The following SLC2A9 variants were observed in gnomAD, a reference collection of about 807,000 sequenced individuals.
SLC2A9 encodes solute carrier family 2 member 9, also known as solute carrier family 2, facilitated glucose transporter member 9.
Under a neutral mutation model 50.6 loss-of-function variants are expected in SLC2A9, and 39 were observed. The observed-to-expected ratio is 0.77, with a 90% CI of 0.60 to 1.01. The LOEUF is 1.01. Among genes scored for constraint, SLC2A9 ranks in the 50% least tolerant of loss-of-function variants. SLC2A9 has a pLI of 0.00. For missense variants in SLC2A9, 686 were observed against 677.6 expected (o/e 1.01, Z -0.14); for synonymous variants, 324 against 276.9 (o/e 1.17, Z -1.69).
rs888540733 is a variant in SLC2A9, at chr4:9,816,833, G to A, written n.420+9587C>T. Among the ~76,000 whole-genome samples the A allele has an allele frequency of 1.2e-4, 14 of 120,438 alleles. No homozygotes were observed. In the East Asian group the frequency reaches 1.6e-3, roughly 14 times the overall value. The allele number at this position is 120,438 out of a possible 152,430, so 79.0% of individuals were successfully genotyped here. On this transcript the variant is annotated intron_variant and non_coding_transcript_variant, in intron 3 of 3. Transcript: ENST00000503280. ...AAAAGTTAAAAATTAAAAAAAAAAC[G>A]ATGACACGCACATACACCCTCTTAG...
intron 3 of SLC2A9, among the ~76,000 whole-genome samples, chr4:9,806,517 G>A (rs1352273812): frequency 6.6e-6 from 1 of 152,204 alleles, no homozygotes; most frequent in Admixed American, 6.5e-5. Flanking sequence ...TGAAACCCCT[G>A]ATTTCCCACT....
chr4:9,805,505 C>T (rs1721997917), intron 3 of SLC2A9, among the ~76,000 whole-genome samples: 1 of 152,020 alleles, frequency 6.6e-6, no homozygotes, highest in Non-Finnish European at 1.5e-5. Flanking sequence ...TTGACACCAC[C>T]CTGGGCAACA....
chr4:9,902,540 G>A (rs1414170922), intron 8 of SLC2A9, among the ~76,000 whole-genome samples: 1 of 152,212 alleles, frequency 6.6e-6, no homozygotes, highest in African/African-American at 2.4e-5. Context: ...ATAGAAACGT[G>A]TTGTCTCACA....
At chr4:9,858,217 G>A (rs545574661) in intron 10 of SLC2A9, among the ~76,000 whole-genome samples, 6 of 152,322 alleles carry the variant, frequency 3.9e-5, no homozygotes, top group African/African-American at 1.4e-4. Flanking sequence ...AAGGTACAGA[G>A]GTTCAAATAT....
At chr4:9,872,198 T>C (rs138416405) in intron 10 of SLC2A9, among the ~76,000 whole-genome samples, 2,026 of 152,272 alleles carry the variant, frequency 0.013, 15 homozygotes, top group Non-Finnish European at 0.021. Context: ...CAGGGACTTG[T>C]CCAACTTACT....
intron 5 of SLC2A9, among the ~76,000 whole-genome samples, chr4:9,969,195 C>A (rs1753506137): frequency 6.6e-6 from 1 of 152,010 alleles, no homozygotes; most frequent in Non-Finnish European, 1.5e-5. Flanking sequence ...CTAAGTGATA[C>A]TAGATCTTCT....
At chr4:9,996,744 G>A in intron 3 of SLC2A9, 37 bp downstream of exon 3, 2 of 1,609,546 alleles carry the variant, frequency 1.2e-6, no homozygotes, top group South Asian at 2.2e-5. Flanking sequence ...TTATGAACAT[G>A]GAGGGCACCC....
Position 9,834,864 on chromosome 4 carries a change from C to T in SLC2A9, c.1419+17G>A, listed in dbSNP as rs372425965. On this transcript the variant is annotated intron_variant, in intron 11 of 11. Transcript: ENST00000264784. The stretch of plus-strand genomic sequence containing the variant: ...CAAAGGGAACCCCATGGGCAAAAGA[C>T]TCCTTGTCAGTCATACCTGAATGAA... 2 of 1,614,140 alleles carry T rather than the reference C, an allele frequency of 1.2e-6. No homozygotes were observed. Among genetic ancestry groups the T allele is most frequent in the Non-Finnish European group, 1.7e-6 (2 of 1,180,022 alleles).
chr4:9,878,436 A>G (rs1734641545), intron 10 of SLC2A9, among the ~76,000 whole-genome samples: 1 of 151,466 alleles, frequency 6.6e-6, no homozygotes, highest in African/African-American at 2.4e-5. Context: ...AATCATGCCT[A>G]TATAATGGAG....
At chr4:9,997,629 G>T (rs771695922) in intron 2 of SLC2A9, among the ~76,000 whole-genome samples, 11 of 152,150 alleles carry the variant, frequency 7.2e-5, no homozygotes, top group Admixed American at 1.3e-4. Context: ...GGACCCAGGA[G>T]ACGGAGGTTG....
At chr4:9,858,511 T>A (rs567789547) in intron 10 of SLC2A9, among the ~76,000 whole-genome samples, 1 of 152,326 alleles carries the variant, frequency 6.6e-6, no homozygotes, top group East Asian at 1.9e-4. Context: ...GTCCATTTTA[T>A]TGATGAGTAG....
At chr4:9,887,797 A>G (rs1736568736) in intron 9 of SLC2A9, among the ~76,000 whole-genome samples, 155 bp from the exon 10 acceptor site, 1 of 152,170 alleles carries the variant, frequency 6.6e-6, no homozygotes, top group African/African-American at 2.4e-5. Context: ...ACATGGGAAC[A>G]ATGATAACCC....
intron 10 of SLC2A9, among the ~76,000 whole-genome samples, chr4:9,875,726 T>C (rs1216473021): frequency 6.6e-6 from 1 of 152,196 alleles, no homozygotes; most frequent in Non-Finnish European, 1.5e-5. Context: ...ACCTCCCCTT[T>C]TCCCCCCAGT....
At chr4:9,816,940 C>A (rs760832965) in intron 3 of SLC2A9, among the ~76,000 whole-genome samples, 1 of 152,130 alleles carries the variant, frequency 6.6e-6, no homozygotes, top group Admixed American at 6.6e-5. Context: ...AGAGACGCAA[C>A]ACCTTGGAAT....
chr4:9,881,740 G>A (rs1180430247), intron 10 of SLC2A9, among the ~76,000 whole-genome samples: 1 of 152,192 alleles, frequency 6.6e-6, no homozygotes, highest in Non-Finnish European at 1.5e-5. Context: ...ATGCAATCAA[G>A]CCATGGCTGA....
intron 7 of SLC2A9, among the ~76,000 whole-genome samples, chr4:9,909,388 A>T (rs1416944722): frequency 6.6e-6 from 1 of 152,196 alleles, no homozygotes; most frequent in Non-Finnish European, 1.5e-5. Context: ...CTCGCAACTT[A>T]TTTCATGTGA....
intron 1 of SLC2A9, 78 bp from the exon 2 acceptor site, chr4:10,019,151 C>T: frequency 1.6e-6 from 2 of 1,213,240 alleles, no homozygotes; most frequent in Non-Finnish European, 2.4e-6. Context: ...AACGTTCCCT[C>T]AGCTGGGGGA....
intron 1 of SLC2A9, among the ~76,000 whole-genome samples, chr4:10,030,579 G>A (rs1447109379): frequency 6.6e-6 from 1 of 152,118 alleles, no homozygotes; most frequent in Non-Finnish European, 1.5e-5. Context: ...GTGTGTGGGT[G>A]TAGGGGGGCA....
rs574585026 is a variant in SLC2A9, at chr4:9,992,426, C to T, written c.410+4355G>A. Among the ~76,000 whole-genome samples the T allele has an allele frequency of 2.0e-5, 3 of 152,330 alleles. No homozygotes were observed. In the East Asian group the frequency reaches 5.8e-4, roughly 29 times the overall value. On this transcript the variant is annotated intron_variant, in intron 3 of 11. Coordinates refer to ENST00000264784, the MANE Select transcript of SLC2A9 (RefSeq NM_020041.3). ...ATATTTAGAGGCATCCCTGGCTTCT[C>T]CTAGATGCTAGTAGCACCCTTGAGT... is the stretch of plus-strand genomic sequence containing the variant.
Sources: gnomAD v4.1 joint callset for allele counts (sites outside exome capture counted in the v4.1 genomes callset) on GRCh38, gnomAD v4.1.1 for gene constraint, MANE v1.5 for transcripts, NCBI Gene and HGNC (gene_info 2026-07-23, HGNC 2026-07-21) for gene names.